Variants in RSL24D1 observed in about 807,000 individuals in gnomAD.
The protein encoded by RSL24D1 is ribosomal L24 domain containing 1.
Under a neutral mutation model 26.2 loss-of-function variants are expected in RSL24D1, and 6 were observed. That is an observed-to-expected ratio of 0.23 (90% confidence interval 0.13 to 0.45). The LOEUF is 0.45. RSL24D1 is among the 20% of genes least tolerant of loss of function. The probability of loss-of-function intolerance (pLI) is 0.99; values close to 1 mark genes in which losing one functional copy is unlikely to be tolerated. For synonymous variants in RSL24D1, 61 were observed against 59.1 expected (o/e 1.03, Z -0.15); for missense variants, 176 against 202.6 (o/e 0.87, Z 0.80).
intron 3 of RSL24D1, among the ~76,000 whole-genome samples, chr15:55,188,723 C>T (rs1346437260): frequency 6.6e-6 from 1 of 152,228 alleles, no homozygotes; most frequent in Non-Finnish European, 1.5e-5. Flanking sequence ...GACCATGGAA[C>T]TGATTATTCA....
intron 3 of RSL24D1, among the ~76,000 whole-genome samples, chr15:55,186,364 C>A (rs1193221276): frequency 6.6e-6 from 1 of 152,094 alleles, no homozygotes; most frequent in Non-Finnish European, 1.5e-5. Flanking sequence ...AGTAACTCTT[C>A]AGTGGAAAAA....
rs879237383 is a variant in RSL24D1, at chr15:55,182,016, G to C, written c.*136C>G. ...CATCCGTAATATCTGATATTATGTA[G>C]ATGGCAATGCAGGAAAGATGTCTTT... On this transcript the variant is annotated 3_prime_UTR_variant, in exon 6 of 6. Coordinates refer to ENST00000260443, the MANE Select transcript of RSL24D1 (RefSeq NM_016304.3). The C allele has an allele frequency of 5.0e-6, 3 of 594,784 alleles. No homozygotes were observed. In the South Asian group the frequency reaches 6.9e-5, roughly 14 times the overall value. 36.8% of individuals were successfully genotyped at this position (594,784 alleles called of 1,614,324 possible). A position where few individuals can be genotyped will look rare whatever the true frequency, so the allele number is the denominator to read the frequency against.
chr15:55,196,917 AC>A lies in RSL24D1; in HGVS notation c.-28del. On this transcript the variant is annotated 5_prime_UTR_variant, in exon 1 of 6. Transcript: ENST00000260443. ...TTGAACCCGCGTGTAACCCCACCAA[AC>A]AAACGCCAAGCTTGAGAGGAAGTGA... The A allele has an allele frequency of 1.9e-6, 3 of 1,608,778 alleles. No homozygotes were observed. Among genetic ancestry groups the A allele is most frequent in the African/African-American group, 1.3e-5 (1 of 74,776 alleles).
intron 3 of RSL24D1, among the ~76,000 whole-genome samples, chr15:55,187,399 T>C (rs1378812582): frequency 6.6e-6 from 1 of 152,196 alleles, no homozygotes; most frequent in Non-Finnish European, 1.5e-5. Context: ...AAGAATAATA[T>C]GCTGTATTTC....
In RSL24D1 at chr15:55,193,460, T is replaced by C. The variant is rs150666288; in HGVS notation, c.82-627A>G. On this transcript the variant is annotated intron_variant, in intron 1 of 5. Transcript: ENST00000260443. ...ATTTTATAAATCTAACAGTATTATT[T>C]TGTTACTTTGTAATGCCTTAGAACA... Among the ~76,000 whole-genome samples the C allele has an allele frequency of 3.8e-3, 580 of 152,342 alleles. 7 individuals are homozygous for C. Among genetic ancestry groups the C allele is most frequent in the Non-Finnish European group, 3.6e-3 (247 of 68,022 alleles).
intron 3 of RSL24D1, among the ~76,000 whole-genome samples, chr15:55,189,186 C>A (rs1282303476): frequency 1.5e-4 from 22 of 144,808 alleles, no homozygotes; most frequent in Non-Finnish European, 2.7e-4. Flanking sequence ...GAGCAAGACT[C>A]CCATCTCAAA....
At chr15:55,188,142 ATAGAT>A (rs1172260594) in intron 3 of RSL24D1, among the ~76,000 whole-genome samples, 1 of 152,246 alleles carries the variant, frequency 6.6e-6, no homozygotes, top group East Asian at 1.9e-4. Context: ...ACTCTTGTCA[ATAGAT>A]TAGTTTATAG....
At chr15:55,188,511 G>A (rs1253809762) in intron 3 of RSL24D1, among the ~76,000 whole-genome samples, 1 of 152,174 alleles carries the variant, frequency 6.6e-6, no homozygotes, top group African/African-American at 2.4e-5. Context: ...TAAAATAGGA[G>A]TACTCAGTAA....
At chr15:55,192,891 C>T (rs1240882436) in intron 1 of RSL24D1, 58 bp from the exon 2 acceptor site, 6 of 1,100,478 alleles carry the variant, frequency 5.5e-6, no homozygotes, top group Admixed American at 5.4e-5. Flanking sequence ...TATCACAAGA[C>T]GTTACCCCTG....
At chr15:55,190,851 T>A in intron 3 of RSL24D1, 124 bp downstream of exon 3, 1 of 687,570 alleles carries the variant, frequency 1.5e-6, no homozygotes, top group Non-Finnish European at 2.5e-6. Context: ...GAGGATAAAA[T>A]AATAAAAGCC....
intron 3 of RSL24D1, among the ~76,000 whole-genome samples, chr15:55,187,035 T>C (rs1894232063): frequency 6.6e-6 from 1 of 152,186 alleles, no homozygotes; most frequent in Admixed American, 6.5e-5. Flanking sequence ...ATAAAAACTT[T>C]TAAAATGTAG....
At chr15:55,193,426 T>C (rs563647725) in intron 1 of RSL24D1, among the ~76,000 whole-genome samples, 2 of 152,352 alleles carry the variant, frequency 1.3e-5, no homozygotes, top group East Asian at 1.9e-4. Flanking sequence ...AAATGTCTTA[T>C]TAGGACTCAT....
intron 2 of RSL24D1, 35 bp downstream of exon 2, chr15:55,192,685 G>T (rs200254994): frequency 6.9e-7 from 1 of 1,440,950 alleles, no homozygotes; most frequent in Non-Finnish European, 9.8e-7. Context: ...ACTGTGAAAC[G>T]TGTAAAAACT....
chr15:55,185,452 A>T, intron 3 of RSL24D1, 27 bp from the exon 4 acceptor site: 1 of 1,536,238 alleles, frequency 6.5e-7, no homozygotes, highest in African/African-American at 1.4e-5. Context: ...GAGTTAGCAA[A>T]TGTATGCACA....
intron 3 of RSL24D1, among the ~76,000 whole-genome samples, chr15:55,189,501 T>C (rs1191996322): frequency 6.6e-6 from 1 of 152,152 alleles, no homozygotes; most frequent in African/African-American, 2.4e-5. Flanking sequence ...AACTCCAGTT[T>C]CTCCACATGG....
At chr15:55,189,907 C>T (rs1894273867) in intron 3 of RSL24D1, among the ~76,000 whole-genome samples, 1 of 152,180 alleles carries the variant, frequency 6.6e-6, no homozygotes, top group Admixed American at 6.5e-5. Context: ...ACACCCAATA[C>T]TAGAAATAGC....
intron 4 of RSL24D1, 33 bp from the exon 5 acceptor site, chr15:55,183,433 G>T: frequency 6.6e-7 from 1 of 1,509,910 alleles, no homozygotes; most frequent in African/African-American, 1.4e-5. Flanking sequence ...CAAAATTTCA[G>T]TTACTAACAC....
rs376364267 is a variant in RSL24D1 at position 55,196,903 on chromosome 15, T to G, written c.-13A>C. ...TTTCGATACGCATGTTGAACCCGCG[T>G]GTAACCCCACCAAACAAACGCCAAG... On this transcript the variant is annotated 5_prime_UTR_variant, in exon 1 of 6. Coordinates refer to ENST00000260443, the MANE Select transcript of RSL24D1 (RefSeq NM_016304.3). The G allele has an allele frequency of 8.1e-6, 13 of 1,613,646 alleles. No homozygotes were observed. Among genetic ancestry groups the G allele is most frequent in the African/African-American group, 2.7e-5 (2 of 74,894 alleles).
chr15:55,196,016 A>G (rs1369416492), intron 1 of RSL24D1, among the ~76,000 whole-genome samples: 1 of 152,244 alleles, frequency 6.6e-6, no homozygotes, highest in African/African-American at 2.4e-5. Context: ...CTGAGAAACA[A>G]TGTGTTTCTC....
Sources: allele counts gnomAD v4.1 joint callset (sites outside exome capture counted in the v4.1 genomes callset), GRCh38; gene constraint gnomAD v4.1.1; transcripts MANE v1.5; gene names NCBI Gene and HGNC (gene_info 2026-07-23, HGNC 2026-07-21).